The following EVPL variants were observed in gnomAD, a reference collection of about 807,000 sequenced individuals.
EVPL encodes the protein 210 kDa cornified envelope precursor protein.
Under a neutral mutation model 129.7 loss-of-function variants are expected in EVPL, and 94 were observed. That is an observed-to-expected ratio of 0.72 (90% CI 0.61 to 0.86). The LOEUF (loss-of-function observed/expected upper bound fraction) is 0.86, where lower values mean the gene tolerates loss of function less well. Ranked by LOEUF, EVPL falls within the 40% of genes least tolerant of loss-of-function variation. The pLI, the probability that EVPL is intolerant of heterozygous loss-of-function variation, is 0.00. For synonymous variants in EVPL, 1,172 were observed against 1,191.1 expected (o/e 0.98, Z 0.33); for missense variants, 2,625 against 2,721.1 (o/e 0.96, Z 0.79).
chr17:76,017,620 A>C, intron 14 of EVPL, 119 bp downstream of exon 14: 2 of 1,406,418 alleles, frequency 1.4e-6, no homozygotes, highest in Non-Finnish European at 1.9e-6. Flanking sequence ...GGGTCTGTCC[A>C]CACCCTTCTC....
rs2066362854 is a variant in EVPL at position 76,010,002 on chromosome 17, A to ACCT, written c.3200_3202dup (p.Glu1067dup). On this transcript the variant is annotated inframe_insertion, in exon 22 of 22. Coordinates refer to ENST00000301607, the MANE Select transcript of EVPL (RefSeq NM_001988.4). ...CACCACGACCTTCTCCTTCACGTCC[A>ACCT]CCTCCCTCTTCTCAAGGGCCAGTAG... 1.9e-6 allele frequency: 3 copies of ACCT among 1,612,330 alleles called. No homozygotes were observed. The East Asian group carries it at 6.7e-5, about 36-fold the overall frequency.
Position 76,023,426 on chromosome 17 carries a change from GA to G in EVPL, c.354-9del. 1.2e-6 allele frequency: 2 copies of G among 1,613,714 alleles called. No homozygotes were observed. The highest frequency in any genetic ancestry group is 1.7e-6 in the Non-Finnish European group (2 of 1,179,980). On this transcript the variant is annotated splice_polypyrimidine_tract_variant and intron_variant, in intron 3 of 21. Transcript: ENST00000301607. ...TCGTGCAGCTGCTTGATGCTGTCAAGAAGGTGGCCGGCAGGTCAGGGCTGGA... is the reference window on the plus strand; with the variant it reads ...TCGTGCAGCTGCTTGATGCTGTCAAGAGGTGGCCGGCAGGTCAGGGCTGGA...
chr17:76,007,350 C>T lies in EVPL; in HGVS notation c.5855G>A (p.Arg1952His), dbSNP rs150009302. The change falls in exon 22 of 22, where the codon CGC becomes CAC. Residue 1952 changes from arginine to histidine, a missense_variant. Arg to His is a conservative substitution (Grantham distance 29). Transcript: ENST00000301607. This position sits in a 1 kb window ranked among gnomAD's most constrained non-coding sequence, Gnocchi z 8.8. ...GGLIDPKRTG[R>H]IPIQQALLSG... is the part of the protein sequence containing the mutation. ...GAGGAGGGCCTGCTGGATGGGGATG[C>T]GGCCTGTCCTCTTGGGGTCGATGAG... 41 of 1,578,932 alleles carry T rather than the reference C, an allele frequency of 2.6e-5. No homozygotes were observed. Among genetic ancestry groups the T allele is most frequent in the East Asian group, 6.8e-5 (3 of 44,354 alleles).
chr17:76,008,733 T>C lies in EVPL; in HGVS notation c.4472A>G (p.Gln1491Arg), dbSNP rs1253959288. 3.1e-6 allele frequency: 5 copies of C among 1,614,082 alleles called. No homozygotes were observed. The highest frequency in any genetic ancestry group is 2.2e-5 in the East Asian group (1 of 44,866). Reference sequence around the variant, plus strand: ...GCACTCCCGATTCAGCTCGGTTACCTGGGTCTTCTCCTGGTCCAGGTCCCA... The same window carrying C: ...GCACTCCCGATTCAGCTCGGTTACCCGGGTCTTCTCCTGGTCCAGGTCCCA... The part of the protein sequence containing the change: ...LRWDLDQEKT[Q>R]VTELNRECKN... Residue 1491 changes from glutamine (Q) to arginine (R), a missense_variant, in exon 22 of 22, where the codon CAG (glutamine) becomes CGG (arginine). Around this residue, in one of 4 missense-constraint regions of EVPL, gnomAD observed 1,453 missense variants for 1,511.8 expected, o/e 0.96. Transcript: ENST00000301607. The surrounding 1 kb of genome is among the most constrained non-coding windows in gnomAD (Gnocchi z 7.4).
chr17:76,022,481 C>G lies in EVPL; in HGVS notation c.538G>C (p.Ala180Pro). Residue 180 changes from alanine (A) to proline (P), a missense_variant, in exon 5 of 22, where the codon GCC becomes CCC. By Grantham distance (27) the Ala-to-Pro change is conservative. Around this residue, in one of 4 missense-constraint regions of EVPL, gnomAD observed 1,024 missense variants for 997.5 expected, o/e 1.03. Coordinates refer to ENST00000301607, the MANE Select transcript of EVPL (RefSeq NM_001988.4). The surrounding 1 kb of genome is among the most constrained non-coding windows in gnomAD (Gnocchi z 5.6). ...PGMAELEQQI[A>P]EHNILQKEID... ...TCCTTCTGCAGGATGTTGTGCTCGG[C>G]GATCTGTTGCTCCAGCTCCGCCATG... The G allele has an allele frequency of 6.2e-7, 1 of 1,613,212 alleles. No homozygotes were observed. The highest frequency in any genetic ancestry group is 8.5e-7 in the Non-Finnish European group (1 of 1,179,820).
In EVPL at chr17:76,012,060, C is replaced by T; in HGVS notation, c.2403G>A (p.Glu801=). The stretch of plus-strand genomic sequence containing the variant: ...GGTGGGATGCTGTGGCCCTGTCCCG[C>T]TCTCGGCTCTGGATCTCCTGCGTCA... ...KRLTQEIQSR[E]RDRATASHLS... is the part of the protein sequence containing the mutation. The change falls in exon 19 of 22, where the codon GAG becomes GAA. Residue 801 remains glutamate (E), a synonymous_variant. Transcript: ENST00000301607. The T allele has an allele frequency of 6.2e-7, 1 of 1,611,878 alleles. No homozygotes were observed. Among genetic ancestry groups the T allele is most frequent in the Non-Finnish European group, 8.5e-7 (1 of 1,179,618 alleles).
intron 18 of EVPL, among the ~76,000 whole-genome samples, chr17:76,014,013 C>T (rs1236030409): frequency 3.9e-5 from 6 of 152,144 alleles, no homozygotes; most frequent in African/African-American, 1.2e-4. Flanking sequence ...CCCACACTAC[C>T]GATCCTGACC....
chr17:76,024,176 A>C lies in EVPL; in HGVS notation c.99-56T>G. The C allele has an allele frequency of 6.5e-7, 1 of 1,531,514 alleles. No homozygotes were observed. The highest frequency in any genetic ancestry group is 9.0e-7 in the Non-Finnish European group (1 of 1,117,108). The allele number at this position is 1,531,514 out of a possible 1,614,324, so 94.9% of individuals were successfully genotyped here. A position where few individuals can be genotyped will look rare whatever the true frequency, so the allele number is the denominator to read the frequency against. ...GGTGGAAGAGGCCCCTCTGTGCCCC[A>C]TCCAGGTGGCATCCCCTGCCCTCCC... is the stretch of plus-strand genomic sequence containing the variant. On this transcript the variant is annotated intron_variant, in intron 1 of 21. Coordinates refer to ENST00000301607, the MANE Select transcript of EVPL (RefSeq NM_001988.4). The surrounding 1 kb of genome is among the most constrained non-coding windows in gnomAD (Gnocchi z 4.5).
chr17:76,023,128 G>T (rs1177367458), intron 4 of EVPL, among the ~76,000 whole-genome samples, 164 bp downstream of exon 4: 4 of 152,058 alleles, frequency 2.6e-5, no homozygotes, highest in Non-Finnish European at 5.9e-5. Context: ...ACCTCCTCCT[G>T]CAGGAAGTCT....
At position 76,014,768 on chromosome 17, in the gene EVPL, A is replaced by G. The variant is rs1483624693; in HGVS notation, c.2222+148T>C. 8.2e-6 allele frequency: 9 copies of G among 1,092,928 alleles called. No individual in the cohort carries two copies. In the East Asian group the frequency reaches 2.1e-4, roughly 25 times the overall value. 67.7% of individuals were successfully genotyped at this position (1,092,928 alleles called of 1,614,324 possible). Reference sequence around the variant, plus strand: ...AGTCTCTACCAGGCACCACCCTGGGAGGTAAGTGCTGTTGTTATCCCATTT... The same window carrying G: ...AGTCTCTACCAGGCACCACCCTGGGGGGTAAGTGCTGTTGTTATCCCATTT... On this transcript the variant is annotated intron_variant, in intron 17 of 21. Transcript: ENST00000301607.
In EVPL at chr17:76,009,353, G is replaced by A. The variant is rs567587180; in HGVS notation, c.3852C>T (p.His1284=). ...GGATGAGCTGCTCCTGGGAGCGCCC[G>A]TGGCTGTTGACGAGCTCGTTGAGCT... ...KAQLNELVNS[H]GRSQEQLIRL... is the part of the protein sequence containing the mutation. The change falls in exon 22 of 22, where the codon CAC becomes CAT. Residue 1284 remains histidine (H), a synonymous_variant. Transcript: ENST00000301607. The surrounding 1 kb of genome is among the most constrained non-coding windows in gnomAD (Gnocchi z 5.9). 17 of 1,613,246 alleles carry A rather than the reference G, an allele frequency of 1.1e-5. No homozygotes were observed. The highest frequency in any genetic ancestry group is 1.6e-4 in the Middle Eastern group (1 of 6,062).
intron 8 of EVPL, 42 bp from the exon 9 acceptor site, chr17:76,021,605 A>AGCCCCC: frequency 1.0e-6 from 1 of 966,100 alleles, no homozygotes; most frequent in Non-Finnish European, 1.3e-6. Flanking sequence ...CGCCCCCCCC[A>AGCCCCC]CGTCCGCCCC....
Position 76,022,690 on chromosome 17 carries a change from C to G in EVPL, c.481-152G>C. On this transcript the variant is annotated intron_variant, in intron 4 of 21. Coordinates refer to ENST00000301607, the MANE Select transcript of EVPL (RefSeq NM_001988.4). The surrounding 1 kb of genome is among the most constrained non-coding windows in gnomAD (Gnocchi z 5.6). ...CCGGGTGCATGCCCTGCAGCTCCCC[C>G]AGGGGCGAGGCCATTCTGCAGTGGC... 2.8e-6 allele frequency: 3 copies of G among 1,088,492 alleles called. No individual in the cohort carries two copies. Among genetic ancestry groups the G allele is most frequent in the Non-Finnish European group, 2.6e-6 (2 of 781,570 alleles). 67.4% of individuals were successfully genotyped at this position (1,088,492 alleles called of 1,614,324 possible).
In EVPL at chr17:76,009,107, G is replaced by A. The variant is rs752563754; in HGVS notation, c.4098C>T (p.Pro1366=). Residue 1366 remains proline, a synonymous_variant, in exon 22 of 22, where the codon CCC becomes CCT. Transcript: ENST00000301607. This position sits in a 1 kb window ranked among gnomAD's most constrained non-coding sequence, Gnocchi z 5.9. ...SKRLLLERRK[P]EEKVVVQEVV... is the part of the protein sequence containing the mutation. ...CCTCCTGCACCACCACCTTCTCCTC[G>A]GGCTTCCTCCTCTCCAGCAGCAGGC... The A allele has an allele frequency of 1.9e-6, 3 of 1,612,808 alleles. No homozygotes were observed. The highest frequency in any genetic ancestry group is 1.1e-5 in the South Asian group (1 of 91,012).
rs1295499152 is a variant in EVPL at position 76,008,180 on chromosome 17, G to C, written c.5025C>G (p.Thr1675=). 3.7e-6 allele frequency: 6 copies of C among 1,614,024 alleles called. No individual in the cohort carries two copies. In the Admixed American group the frequency reaches 8.3e-5, roughly 22 times the overall value. Residue 1675 remains threonine (T), a synonymous_variant, in exon 22 of 22, where the codon ACC becomes ACG. Transcript: ENST00000301607. The surrounding 1 kb of genome is among the most constrained non-coding windows in gnomAD (Gnocchi z 7.4). ...KVSREELSQE[T]QTRETNLSTK... ...TGGAAAGGTTGGTCTCTCGCGTCTG[G>C]GTCTCCTGGCTGAGCTCCTCCCGGC...
At chr17:76,017,710 C>T in intron 14 of EVPL, 29 bp downstream of exon 14, 1 of 1,600,616 alleles carries the variant, frequency 6.2e-7, no homozygotes, top group Non-Finnish European at 8.5e-7. Flanking sequence ...GCTTCTCATC[C>T]CAGCCGCCCC....
intron 11 of EVPL, 91 bp downstream of exon 11, chr17:76,018,823 T>C: frequency 9.7e-7 from 1 of 1,028,198 alleles, no homozygotes; most frequent in East Asian, 6.2e-5. Context: ...AGGAGACAGC[T>C]GGGGATGGAG....
rs1598246709 is a variant in EVPL at position 76,024,515 on chromosome 17, T to C, written c.99-395A>G. The stretch of plus-strand genomic sequence containing the variant: ...CAGCCTGGCTGGGCCCTGGGAGGGG[T>C]AGTTGGGCTGGCTGGGGCAGGGAGG... On this transcript the variant is annotated intron_variant, in intron 1 of 21. Coordinates refer to ENST00000301607, the MANE Select transcript of EVPL (RefSeq NM_001988.4). This position sits in a 1 kb window ranked among gnomAD's most constrained non-coding sequence, Gnocchi z 4.5. 2.0e-5 allele frequency among the ~76,000 whole-genome samples: 3 copies of C among 151,046 alleles called. No homozygotes were observed. Among genetic ancestry groups the C allele is most frequent in the Admixed American group, 6.6e-5 (1 of 15,168 alleles).
At chr17:76,012,655 G>A (rs183807825) in intron 18 of EVPL, among the ~76,000 whole-genome samples, 29 of 152,142 alleles carry the variant, frequency 1.9e-4, no homozygotes, top group African/African-American at 6.3e-4. Flanking sequence ...CCTGGGGCCT[G>A]TGGGAGGCAG....
Sources: gnomAD v4.1 joint callset for allele counts (sites outside exome capture counted in the v4.1 genomes callset) on GRCh38, gnomAD v4.1.1 for gene constraint, gnomAD v4.1.1 regional missense constraint, Gnocchi (gnomAD v3.1) non-coding constraint, MANE v1.5 for transcripts, NCBI Gene and HGNC (gene_info 2026-07-23, HGNC 2026-07-21) for gene names.